The following WDR87 variants were observed in gnomAD, a reference collection of about 807,000 sequenced individuals.
WDR87 encodes the protein WD repeat-containing protein 87.
In WDR87, 56 loss-of-function variants were observed where a neutral mutation model predicts 83.3. The observed-to-expected ratio is 0.67, with a 90% CI of 0.54 to 0.84. The LOEUF (loss-of-function observed/expected upper bound fraction) is 0.84. WDR87 is among the 40% of genes least tolerant of loss of function. The pLI is 0.00. For synonymous variants in WDR87, 1,173 were observed against 1,250.6 expected, an observed-to-expected ratio of 0.94 and a Z score of 1.31; for missense variants, 2,939 against 3,431.9, an observed-to-expected ratio of 0.86 and a Z score of 3.59.
At position 37,894,623 on chromosome 19, in the gene WDR87, G is replaced by A; in HGVS notation, c.1080C>T (p.Val360=). ...RLPCFYSLFN[V]CGSAPQQLRR... is the part of the protein sequence containing the mutation. ...GCAACTGCTGGGGAGCAGAGCCACA[G>A]ACATTGAAGAGGCTGTAGAAGCAGG... is the stretch of plus-strand genomic sequence containing the variant. Residue 360 remains valine (V), a synonymous_variant, in exon 4 of 6, where the codon GTC becomes GTT. Coordinates refer to ENST00000447313, the MANE Select transcript of WDR87 (RefSeq NM_001291088.2). 1 of 1,551,748 alleles carries A rather than the reference G, an allele frequency of 6.4e-7. No individual in the cohort carries two copies. The highest frequency in any genetic ancestry group is 8.7e-7 in the Non-Finnish European group (1 of 1,147,004).
At position 37,888,697 on chromosome 19, in the gene WDR87, T is replaced by C. The variant is rs1410047667; in HGVS notation, c.4974A>G (p.Ala1658=). 1.7e-5 allele frequency: 27 copies of C among 1,551,826 alleles called. 1 individual carries two copies. The Admixed American group carries it at 5.1e-4, about 29-fold the overall frequency. Residue 1658 remains alanine (A), a synonymous_variant, in exon 6 of 6, where the codon GCA becomes GCG. Coordinates refer to ENST00000447313, the MANE Select transcript of WDR87 (RefSeq NM_001291088.2). ...LAQEERKLAQ[A]YVKITQDDRE... ...TGTCATCCTGGGTTATTTTCACGTA[T>C]GCCTGGGCCAGTTTTCTCTCTTCCT...
At position 37,891,796 on chromosome 19, in the gene WDR87, G is replaced by A. The variant is rs2046207660; in HGVS notation, c.3150C>T (p.Pro1050=). 2.6e-6 allele frequency: 4 copies of A among 1,552,146 alleles called. No individual in the cohort carries two copies. In the South Asian group the frequency reaches 3.6e-5, roughly 14 times the overall value. The part of the protein sequence containing the change: ...EMQQQMIGEE[P]LDHLLGMRAT... ...CCCGCATCCCCAGTAGATGGTCCAGGGGTTCCTCCCCGATCATCTGCTGCC... is the reference window on the plus strand; with the variant it reads ...CCCGCATCCCCAGTAGATGGTCCAGAGGTTCCTCCCCGATCATCTGCTGCC... Residue 1050 remains proline, a synonymous_variant, in exon 5 of 6, where the codon CCC becomes CCT. Transcript: ENST00000447313.
In WDR87 at chr19:37,889,118, T is replaced by G. The variant is rs1012831260; in HGVS notation, c.4553A>C (p.Lys1518Thr). Residue 1518 changes from lysine to threonine, a missense_variant, in exon 6 of 6, where the codon AAG becomes ACG. Transcript: ENST00000447313. ...CTTCTCCCATTCTTCCTTCCATGCC[T>G]TCCAGGATTTCCTTGTCTCACCATG... is the stretch of plus-strand genomic sequence containing the variant. ...QVHGETRKSW[K>T]AWKEEWEKRL... 6.4e-7 allele frequency: 1 copy of G among 1,552,204 alleles called. No individual in the cohort carries two copies. Among genetic ancestry groups the G allele is most frequent in the African/African-American group, 1.4e-5 (1 of 73,022 alleles).
chr19:37,886,565 C>T lies in WDR87; in HGVS notation c.7106G>A (p.Ser2369Asn). 1 of 1,511,906 alleles carries T rather than the reference C, an allele frequency of 6.6e-7. No individual in the cohort carries two copies. Among genetic ancestry groups the T allele is most frequent in the East Asian group, 2.5e-5 (1 of 40,380 alleles). 93.7% of individuals were successfully genotyped at this position (1,511,906 alleles called of 1,614,324 possible). A position where few individuals can be genotyped will look rare whatever the true frequency, so the allele number is the denominator to read the frequency against. ...SLSDEEEEEE[S>N]CSLEEEVDRE... The stretch of plus-strand genomic sequence containing the variant: ...GTCCACCTCTTCTTCCAATGAGCAG[C>T]TCTCCTCTTCCTCTTCCTCGTCACT... Residue 2369 changes from serine (S) to asparagine (N), a missense_variant, in exon 6 of 6, where the codon AGC (serine) becomes AAC (asparagine). By Grantham distance (46) the Ser-to-Asn change is conservative. Coordinates refer to ENST00000447313, the MANE Select transcript of WDR87 (RefSeq NM_001291088.2).
intron 1 of WDR87, 93 bp downstream of exon 1, chr19:37,906,406 C>G (rs1280724937): frequency 6.6e-6 from 1 of 152,202 alleles, no homozygotes. Flanking sequence ...CGGGGACAGG[C>G]GACTACACCT....
chr19:37,887,872 C>T lies in WDR87; in HGVS notation c.5799G>A (p.Lys1933=), dbSNP rs1599758454. 1 of 1,551,328 alleles carries T rather than the reference C, an allele frequency of 6.4e-7. No homozygotes were observed. Among genetic ancestry groups the T allele is most frequent in the East Asian group, 2.4e-5 (1 of 40,878 alleles). ...FNKILAQVEE[K]LTQEKETVIK... Reference sequence around the variant, plus strand: ...TCACAGTCTCCTTTTCCTGTGTCAGCTTCTCCTCTACCTGAGCCAGTATCT... The same window carrying T: ...TCACAGTCTCCTTTTCCTGTGTCAGTTTCTCCTCTACCTGAGCCAGTATCT... The change falls in exon 6 of 6, where the codon AAG becomes AAA. Residue 1933 remains lysine (K), a synonymous_variant. Coordinates refer to ENST00000447313, the MANE Select transcript of WDR87 (RefSeq NM_001291088.2).
chr19:37,888,820 G>A lies in WDR87; in HGVS notation c.4851C>T (p.His1617=), dbSNP rs1274125593. Residue 1617 remains histidine, a synonymous_variant, in exon 6 of 6, where the codon CAC becomes CAT. Coordinates refer to ENST00000447313, the MANE Select transcript of WDR87 (RefSeq NM_001291088.2). ...TTTTTTCAGCTCGGGCTCGTTTCCTGTGTATTCTGGCCCATTTGTGTTCTT... is the reference window on the plus strand; with the variant it reads ...TTTTTTCAGCTCGGGCTCGTTTCCTATGTATTCTGGCCCATTTGTGTTCTT... ...IQEEHKWARI[H]RKRARAEKKR... 2 of 1,551,340 alleles carry A rather than the reference G, an allele frequency of 1.3e-6. No homozygotes were observed. The highest frequency in any genetic ancestry group is 8.7e-7 in the Non-Finnish European group (1 of 1,146,962).
At position 37,888,516 on chromosome 19, in the gene WDR87, C is replaced by A; in HGVS notation, c.5155G>T (p.Ala1719Ser). The A allele has an allele frequency of 6.4e-7, 1 of 1,551,650 alleles. No individual in the cohort carries two copies. Among genetic ancestry groups the A allele is most frequent in the Non-Finnish European group, 8.7e-7 (1 of 1,146,986 alleles). The change falls in exon 6 of 6, where the codon GCA (alanine) becomes TCA (serine). Residue 1719 changes from alanine to serine, a missense_variant. Ala to Ser is a moderately conservative substitution (Grantham distance 99). Coordinates refer to ENST00000447313, the MANE Select transcript of WDR87 (RefSeq NM_001291088.2). ...EKVAREEEKLAKKGGKLAEVK... is the reference protein window; with the variant it reads ...EKVAREEEKLSKKGGKLAEVK... ...TCAGCCAGTTTCCCTCCTTTCTTTG[C>A]TAGTTTCTCTTCTTCTCTAGCCACT...
rs2046135876 is a variant in WDR87 at position 37,885,512 on chromosome 19, A to G, written c.8159T>C (p.Val2720Ala). The G allele has an allele frequency of 6.4e-7, 1 of 1,551,648 alleles. No individual in the cohort carries two copies. Among genetic ancestry groups the G allele is most frequent in the Non-Finnish European group, 8.7e-7 (1 of 1,146,986 alleles). The change falls in exon 6 of 6, where the codon GTG (valine) becomes GCG (alanine). Residue 2720 changes from valine to alanine, a missense_variant. This residue lies in a region of WDR87 where 2,160 missense variants were observed against 2,533.1 expected (regional missense o/e 0.85). Transcript: ENST00000447313. The part of the protein sequence containing the change: ...RDIFPSAHAS[V>A]EKQTLALMFQ... ...CATCAGTGCCAGGGTTTGTTTTTCC[A>G]CAGAGGCATGGGCACTTGGAAAAAT...
Position 37,901,363 on chromosome 19 carries a change from G to A in WDR87, c.-46-3078C>T, listed in dbSNP as rs141598931. Among the ~76,000 whole-genome samples, 524 of 152,132 alleles carry A rather than the reference G, an allele frequency of 3.4e-3. 4 individuals carry two copies. Among genetic ancestry groups the A allele is most frequent in the African/African-American group, 0.012 (502 of 41,514 alleles). Reference sequence around the variant, plus strand: ...GAGAATTGCTTTGAACCCAGGAGGCGGAAGTTGCAGTGAGCCGAGATTGCA... The same window carrying A: ...GAGAATTGCTTTGAACCCAGGAGGCAGAAGTTGCAGTGAGCCGAGATTGCA... On this transcript the variant is annotated intron_variant, in intron 1 of 5. Coordinates refer to ENST00000447313, the MANE Select transcript of WDR87 (RefSeq NM_001291088.2).
chr19:37,905,937 C>T (rs557620501), intron 1 of WDR87, among the ~76,000 whole-genome samples: 12 of 151,298 alleles, frequency 7.9e-5, no homozygotes, highest in African/African-American at 3.0e-4. Context: ...CTGGATTTCT[C>T]TTGTGTCTCC....
Position 37,885,417 on chromosome 19 carries a change from T to C in WDR87, c.8254A>G (p.Thr2752Ala), listed in dbSNP as rs755689018. 1.9e-6 allele frequency: 3 copies of C among 1,551,848 alleles called. No homozygotes were observed. The highest frequency in any genetic ancestry group is 2.6e-6 in the Non-Finnish European group (3 of 1,147,042). Residue 2752 changes from threonine to alanine, a missense_variant, in exon 6 of 6, where the codon ACA (threonine) becomes GCA (alanine). Coordinates refer to ENST00000447313, the MANE Select transcript of WDR87 (RefSeq NM_001291088.2). ...TCCTTTTTTTTAGAAATGGGCTGTG[T>C]CTTCTTCTCTAACTTGGGCAGTTTA... is the stretch of plus-strand genomic sequence containing the variant. Reference protein sequence around the residue: ...FPKLPKLEKKTQPISKKKEEL... With the variant: ...FPKLPKLEKKAQPISKKKEEL...
rs1334020726 is a variant in WDR87 at position 37,887,745 on chromosome 19, A to C, written c.5926T>G (p.Leu1976Val). The C allele has an allele frequency of 6.4e-7, 1 of 1,551,868 alleles. No homozygotes were observed. The change falls in exon 6 of 6, where the codon TTA becomes GTA. Residue 1976 changes from leucine (L) to valine (V), a missense_variant. By Grantham distance (32) the Leu-to-Val change is conservative. This residue lies in a region of WDR87 where 2,160 missense variants were observed against 2,533.1 expected (regional missense o/e 0.85). Coordinates refer to ENST00000447313, the MANE Select transcript of WDR87 (RefSeq NM_001291088.2). ...QEKLAQEKMK[L>V]ALEKAMVQGK... is the part of the protein sequence containing the mutation. Reference sequence around the variant, plus strand: ...TGGACCATTGCCTTCTCCAGAGCTAATTTCATTTTTTCCTGGGCCAATTTC... The same window carrying C: ...TGGACCATTGCCTTCTCCAGAGCTACTTTCATTTTTTCCTGGGCCAATTTC...
At position 37,894,114 on chromosome 19, in the gene WDR87, A is replaced by T; in HGVS notation, c.1589T>A (p.Met530Lys). The T allele has an allele frequency of 6.4e-7, 1 of 1,552,388 alleles. No individual in the cohort carries two copies. The highest frequency in any genetic ancestry group is 8.7e-7 in the Non-Finnish European group (1 of 1,147,150). Residue 530 changes from methionine to lysine, a missense_variant, in exon 4 of 6, where the codon ATG becomes AAG. Coordinates refer to ENST00000447313, the MANE Select transcript of WDR87 (RefSeq NM_001291088.2). The stretch of plus-strand genomic sequence containing the variant: ...TTCTGACAGGTGCACATAGTCATCC[A>T]TTCCATAGGAACAGAGCAGAGAGTT... ...QGNSLLCSYG[M>K]DDYVHLSEAV...
chr19:37,893,217 A>T lies in WDR87; in HGVS notation c.2486T>A (p.Ile829Asn). ...GCCCTCTGGCCAAAGACGGGCACGA[A>T]TCACTGAATTGGGGATATAGCAGTC... ...APDCYIPNSV[I>N]RARLWPEGTP... Residue 829 changes from isoleucine (I) to asparagine (N), a missense_variant, in exon 4 of 6, where the codon ATT (isoleucine) becomes AAT (asparagine). Ile to Asn is a moderately radical substitution (Grantham distance 149). This residue lies in a region of WDR87 where 2,160 missense variants were observed against 2,533.1 expected (regional missense o/e 0.85). Transcript: ENST00000447313. 6.4e-7 allele frequency: 1 copy of T among 1,551,942 alleles called. No homozygotes were observed. Among genetic ancestry groups the T allele is most frequent in the African/African-American group, 1.4e-5 (1 of 73,188 alleles).
At position 37,891,635 on chromosome 19, in the gene WDR87, G is replaced by A. The variant is rs1287883447; in HGVS notation, c.3311C>T (p.Pro1104Leu). The change falls in exon 5 of 6, where the codon CCT becomes CTT. Residue 1104 changes from proline (P) to leucine (L), a missense_variant. Physicochemically the swap from Pro to Leu is moderately conservative, Grantham distance 98. Coordinates refer to ENST00000447313, the MANE Select transcript of WDR87 (RefSeq NM_001291088.2). The stretch of plus-strand genomic sequence containing the variant: ...TTCAGATTCTTCAGAAACTGTAGGA[G>A]GTTTCAGGGAGGATTTAAGTTCAGA... ...MPSELKSSLK[P>L]PTVSEESEVA... 1.3e-6 allele frequency: 2 copies of A among 1,551,916 alleles called. No homozygotes were observed. The highest frequency in any genetic ancestry group is 1.7e-4 in the Middle Eastern group (1 of 5,992).
intron 1 of WDR87, among the ~76,000 whole-genome samples, chr19:37,904,268 A>G (rs2046310053): frequency 6.6e-6 from 1 of 152,266 alleles, no homozygotes; most frequent in Admixed American, 6.5e-5. Context: ...GGTAAGGGAA[A>G]AAAAGTCACC....
At chr19:37,895,958 G>C (rs964569435) in intron 3 of WDR87, 180 bp downstream of exon 3, 30 of 826,254 alleles carry the variant, frequency 3.6e-5, no homozygotes, top group Non-Finnish European at 5.0e-5. Context: ...GGTTTACTTC[G>C]GGGGAACCAT....
At position 37,885,739 on chromosome 19, in the gene WDR87, T is replaced by C; in HGVS notation, c.7932A>G (p.Ile2644Met). The C allele has an allele frequency of 1.3e-6, 2 of 1,551,740 alleles. No individual in the cohort carries two copies. The highest frequency in any genetic ancestry group is 1.7e-6 in the Non-Finnish European group (2 of 1,147,006). The change falls in exon 6 of 6, where the codon ATA becomes ATG. Residue 2644 changes from isoleucine to methionine, a missense_variant. This residue lies in a region of WDR87 where 2,160 missense variants were observed against 2,533.1 expected (regional missense o/e 0.85). Transcript: ENST00000447313. Reference sequence around the variant, plus strand: ...GCCAGCTCTCCTTTTCCTTTGCTTTTATAGGAGGAATCACTTTCAGGTATT... The same window carrying C: ...GCCAGCTCTCCTTTTCCTTTGCTTTCATAGGAGGAATCACTTTCAGGTATT... ...SPKYLKVIPP[I>M]KAKEKESWPK...
Sources: allele counts gnomAD v4.1 joint callset (sites outside exome capture counted in the v4.1 genomes callset), GRCh38; gene constraint gnomAD v4.1.1; regional missense constraint gnomAD v4.1.1; transcripts MANE v1.5; gene names NCBI Gene and HGNC (gene_info 2026-07-23, HGNC 2026-07-21).